The following KALRN variants were observed in gnomAD, a reference collection of about 807,000 sequenced individuals.
KALRN encodes the protein kalirin.
In KALRN, 70 loss-of-function variants were observed where a neutral mutation model predicts 353.7. That is an observed-to-expected ratio of 0.20 (90% confidence interval 0.16 to 0.24). The LOEUF (loss-of-function observed/expected upper bound fraction) is 0.24, where lower values mean the gene tolerates loss of function less well. Ranked by LOEUF, KALRN falls within the 10% of genes least tolerant of loss-of-function variation. The probability of loss-of-function intolerance (pLI) is 1.00; values close to 1 mark genes in which losing one functional copy is unlikely to be tolerated. For missense variants in KALRN, 2,791 were observed against 3,756.7 expected (o/e 0.74, Z 6.72); for synonymous variants, 1,391 against 1,434.8 (o/e 0.97, Z 0.69).
chr3:124,327,429 C>G (rs960544529), intron 7 of KALRN, among the ~76,000 whole-genome samples: 1 of 152,112 alleles, frequency 6.6e-6, no homozygotes, highest in Non-Finnish European at 1.5e-5. Flanking sequence ...TTGTCAGTTG[C>G]AACCATAGGT....
intron 34 of KALRN, among the ~76,000 whole-genome samples, chr3:124,586,467 G>A (rs113806784): frequency 1.3e-5 from 2 of 152,154 alleles, no homozygotes; most frequent in African/African-American, 2.4e-5. Context: ...CTCTCTGGGC[G>A]TCTTGCTGGC....
rs200492161 is a variant in KALRN, at chr3:124,495,986, T to C, written c.4833-325T>C. 8.5e-4 allele frequency among the ~76,000 whole-genome samples: 45 copies of C among 52,784 alleles called. 4 individuals are homozygous for C. In the East Asian group the frequency reaches 0.015, roughly 17 times the overall value. The allele number at this position is 52,784 out of a possible 152,430, so 34.6% of individuals were successfully genotyped here. A position where few individuals can be genotyped will look rare whatever the true frequency, so the allele number is the denominator to read the frequency against. The stretch of plus-strand genomic sequence containing the variant: ...GTATGTATATATATATATATATATA[T>C]ATATATATATATATATATATATATA... On this transcript the variant is annotated intron_variant, in intron 32 of 59. Transcript: ENST00000682506.
intron 34 of KALRN, among the ~76,000 whole-genome samples, chr3:124,618,254 C>T (rs572689932): frequency 4.0e-5 from 6 of 151,442 alleles, no homozygotes; most frequent in South Asian, 2.1e-4. Flanking sequence ...GGACTATAGG[C>T]GCCTGCCACC....
chr3:124,694,320 A>G lies in KALRN; in HGVS notation c.7406-12A>G. ...CTCTGAATGATGTTAATGTATGTTG[A>G]TTTGATCACAGTGGCCCCAGAATTC... On this transcript the variant is annotated splice_polypyrimidine_tract_variant and intron_variant, in intron 52 of 59. Coordinates refer to ENST00000682506, the MANE Select transcript of KALRN (RefSeq NM_001388419.1). 4 of 1,613,046 alleles carry G rather than the reference A, an allele frequency of 2.5e-6. No homozygotes were observed. The highest frequency in any genetic ancestry group is 3.4e-6 in the Non-Finnish European group (4 of 1,179,252).
In KALRN at chr3:124,413,374, G is replaced by T. The variant is rs1178851805; in HGVS notation, c.2347-96G>T. On this transcript the variant is annotated intron_variant, in intron 13 of 59. Transcript: ENST00000682506. ...TCCAAAGCAGAGACTTAACTGAGGGGTGGATTCATGAATAAGGCTTGGAAT... is the reference window on the plus strand; with the variant it reads ...TCCAAAGCAGAGACTTAACTGAGGGTTGGATTCATGAATAAGGCTTGGAAT... 6 of 983,612 alleles carry T rather than the reference G, an allele frequency of 6.1e-6. No individual in the cohort carries two copies. The Admixed American group carries it at 1.5e-4, about 25-fold the overall frequency. 60.9% of individuals were successfully genotyped at this position (983,612 alleles called of 1,614,324 possible). A position where few individuals can be genotyped will look rare whatever the true frequency, so the allele number is the denominator to read the frequency against.
chr3:124,369,751 C>A (rs1471201947), intron 10 of KALRN, among the ~76,000 whole-genome samples: 1 of 151,464 alleles, frequency 6.6e-6, no homozygotes, highest in East Asian at 1.9e-4. Context: ...ACTCCCCCGC[C>A]TCAAGACCCC....
intron 1 of KALRN, among the ~76,000 whole-genome samples, chr3:124,051,196 C>T (rs1577581928): frequency 6.6e-6 from 1 of 152,268 alleles, no homozygotes; most frequent in Non-Finnish European, 1.5e-5. Context: ...TACAGAGGGG[C>T]ATATGACGCA....
intron 5 of KALRN, among the ~76,000 whole-genome samples, chr3:124,296,983 GT>G (rs1240095261): frequency 6.6e-6 from 1 of 152,104 alleles, no homozygotes; most frequent in African/African-American, 2.4e-5. Context: ...ATCAGTAGAT[GT>G]TTTTTTGAGT....
intron 33 of KALRN, among the ~76,000 whole-genome samples, chr3:124,516,646 A>AAAC (rs1554016155): frequency 2.6e-5 from 4 of 151,686 alleles, no homozygotes; most frequent in Admixed American, 1.3e-4. Context: ...TAAAAAAAAA[A>AAAC]AAAAAAAAAC....
At chr3:124,057,207 T>A (rs1472454041) in intron 1 of KALRN, among the ~76,000 whole-genome samples, 1 of 152,180 alleles carries the variant, frequency 6.6e-6, no homozygotes, top group African/African-American at 2.4e-5. Context: ...CTGTACTTTT[T>A]CTTAGTGCCT....
At chr3:124,518,900 A>G in intron 33 of KALRN, 1 of 1,012,066 alleles carries the variant, frequency 9.9e-7, no homozygotes, top group Non-Finnish European at 1.2e-6. Flanking sequence ...TTCTATTATC[A>G]GTGGCCCCTA....
intron 34 of KALRN, among the ~76,000 whole-genome samples, chr3:124,578,317 A>G (rs997941447): frequency 6.6e-6 from 1 of 152,242 alleles, no homozygotes; most frequent in African/African-American, 2.4e-5. Context: ...TAATTTGGGA[A>G]TATTGATTAG....
rs1228365198 is a variant in KALRN at position 124,033,572 on chromosome 3, C to G, written c.-169C>G. 5.9e-5 allele frequency among the ~76,000 whole-genome samples: 9 copies of G among 151,374 alleles called. No individual in the cohort carries two copies. The highest frequency in any genetic ancestry group is 2.6e-4 in the Admixed American group (4 of 15,222). ...GCGCCTCCGCCTGAGGGAGGCTCAG[C>G]GTCCTCTGCCCCAGCCCCGCCGCCC... is the stretch of plus-strand genomic sequence containing the variant. On this transcript the variant is annotated 5_prime_UTR_variant, in exon 1 of 60. Transcript: ENST00000682506. This position sits in a 1 kb window ranked among gnomAD's most constrained non-coding sequence, Gnocchi z 6.2.
intron 55 of KALRN, among the ~76,000 whole-genome samples, chr3:124,698,603 GT>G (rs1406596276): frequency 6.6e-6 from 1 of 152,178 alleles, no homozygotes; most frequent in African/African-American, 2.4e-5. Context: ...CCTAAAGAAA[GT>G]TAAGAAACAC....
chr3:124,528,387 G>A (rs2067766367), intron 33 of KALRN, among the ~76,000 whole-genome samples: 2 of 152,176 alleles, frequency 1.3e-5, no homozygotes, highest in Non-Finnish European at 2.9e-5. Context: ...CTAGATCTGA[G>A]GCCATGACAG....
At chr3:124,621,265 G>T (rs552169421) in intron 34 of KALRN, among the ~76,000 whole-genome samples, 1 of 152,274 alleles carries the variant, frequency 6.6e-6, no homozygotes, top group African/African-American at 2.4e-5. Context: ...TGTGGCCCTT[G>T]CTTTTGTACT....
chr3:124,607,133 G>A (rs991472689), intron 34 of KALRN, among the ~76,000 whole-genome samples: 13 of 152,310 alleles, frequency 8.5e-5, no homozygotes, highest in African/African-American at 2.2e-4. Flanking sequence ...TTGTAATAGC[G>A]AACAAGAACA....
chr3:124,712,831 A>G, intron 57 of KALRN, 104 bp from the exon 58 acceptor site: 2 of 695,466 alleles, frequency 2.9e-6, no homozygotes, highest in East Asian at 5.4e-5. Flanking sequence ...AGGATTCCTA[A>G]TAAGATCTAT....
intron 5 of KALRN, among the ~76,000 whole-genome samples, chr3:124,275,716 T>C (rs2074640879): frequency 1.3e-5 from 2 of 152,236 alleles, no homozygotes; most frequent in African/African-American, 4.8e-5. Context: ...ACTGATGCTC[T>C]CTTCCAAATG....
Sources: gnomAD v4.1 joint callset for allele counts (sites outside exome capture counted in the v4.1 genomes callset) on GRCh38, gnomAD v4.1.1 for gene constraint, Gnocchi (gnomAD v3.1) non-coding constraint, MANE v1.5 for transcripts, NCBI Gene and HGNC (gene_info 2026-07-23, HGNC 2026-07-21) for gene names.